The following GLIS3 variants were observed in gnomAD, a reference collection of about 807,000 sequenced individuals.
The protein encoded by GLIS3 is zinc finger protein GLIS3.
GLIS3 carries 53 observed loss-of-function variants against 78.6 expected under a neutral mutation model. That is an observed-to-expected ratio of 0.67 (90% CI 0.54 to 0.85). The LOEUF is 0.85. Ranked by LOEUF, GLIS3 falls within the 40% of genes least tolerant of loss-of-function variation. The probability of loss-of-function intolerance (pLI) is 0.00; values close to 1 mark genes in which losing one functional copy is unlikely to be tolerated. For synonymous variants in GLIS3, 684 were observed against 509.9 expected (o/e 1.34, Z -4.60); for missense variants, 1,703 against 1,231.1 (o/e 1.38, Z -5.74).
chr9:3,898,806 G>C lies in GLIS3; in HGVS notation c.2013C>G (p.Asp671Glu), dbSNP rs1323940507. Residue 671 changes from aspartate to glutamate, a missense_variant, in exon 7 of 11, where the codon GAC becomes GAG. Coordinates refer to ENST00000381971, the MANE Select transcript of GLIS3 (RefSeq NM_001042413.2). Reference protein sequence around the residue: ...KLRSSTELHPDLLTDCLTVQS... With the variant: ...KLRSSTELHPELLTDCLTVQS... ...GCACGGTGAGGCAATCTGTGAGCAG[G>C]TCTGGATGGAGCTCTGTGCTGGACC... The C allele has an allele frequency of 1.4e-5, 22 of 1,614,052 alleles. No homozygotes were observed. Among genetic ancestry groups the C allele is most frequent in the Non-Finnish European group, 1.7e-5 (20 of 1,180,032 alleles).
chr9:3,888,457 A>C (rs1822220815), intron 7 of GLIS3, among the ~76,000 whole-genome samples: 1 of 152,180 alleles, frequency 6.6e-6, no homozygotes, highest in South Asian at 2.1e-4. Context: ...CTGATTTTTA[A>C]TGCACTATTA....
intron 4 of GLIS3, among the ~76,000 whole-genome samples, chr9:4,098,290 T>A (rs184356521): frequency 5.4e-4 from 82 of 152,356 alleles, no homozygotes; most frequent in Admixed American, 1.8e-3. Context: ...TGTCATTCAC[T>A]GACCTTGGTA....
At chr9:3,896,341 A>G (rs2130582574) in intron 7 of GLIS3, among the ~76,000 whole-genome samples, 1 of 152,314 alleles carries the variant, frequency 6.6e-6, no homozygotes, top group East Asian at 1.9e-4. Context: ...GTTAGAAAGC[A>G]AAATCATACC....
exon 1 of GLIS3, chr9:4,348,331 A>C (rs1405959914): frequency 7.3e-6 from 1 of 137,564 alleles, no homozygotes; most frequent in Non-Finnish European, 1.7e-5. Flanking sequence ...CACCCTCGGG[A>C]AACAGCTTTC....
chr9:4,360,924 G>T, the GLIS3 span, among the ~76,000 whole-genome samples: 3 of 152,178 alleles, frequency 2.0e-5, no homozygotes, highest in Non-Finnish European at 4.4e-5. Flanking sequence ...AATATCTGAT[G>T]GCATTATTTC....
At chr9:4,207,748 G>A (rs376565317) in intron 2 of GLIS3, among the ~76,000 whole-genome samples, 35 of 152,238 alleles carry the variant, frequency 2.3e-4, no homozygotes, top group East Asian at 1.9e-3. Context: ...AGTAGCAGAT[G>A]GGGAACCCAG....
At chr9:4,179,829 G>A (rs7045832) in intron 2 of GLIS3, among the ~76,000 whole-genome samples, 20,322 of 151,506 alleles carry the variant, frequency 0.13, 1,520 homozygotes, top group Middle Eastern at 0.23. Context: ...AGAATCGCTG[G>A]AACCCGGGAG....
the GLIS3 span, among the ~76,000 whole-genome samples, chr9:4,478,155 A>G: frequency 6.6e-6 from 1 of 152,132 alleles, no homozygotes; most frequent in Non-Finnish European, 1.5e-5. Context: ...CACTATTGAA[A>G]CAAGTGGTTG....
At chr9:4,135,813 GT>G (rs1833365785) in intron 2 of GLIS3, among the ~76,000 whole-genome samples, 1 of 152,112 alleles carries the variant, frequency 6.6e-6, no homozygotes, top group African/African-American at 2.4e-5. Context: ...ATCGATGAAG[GT>G]AAGCACAGGT....
chr9:3,924,469 T>C (rs1825093028), intron 6 of GLIS3, among the ~76,000 whole-genome samples: 1 of 152,246 alleles, frequency 6.6e-6, no homozygotes, highest in Non-Finnish European at 1.5e-5. Context: ...TACCTTCTGA[T>C]GTCCAATCCA....
chr9:3,952,397 G>A (rs980846476), intron 4 of GLIS3, among the ~76,000 whole-genome samples: 3 of 152,120 alleles, frequency 2.0e-5, no homozygotes, highest in African/African-American at 7.2e-5. Context: ...ACTCTCTGAT[G>A]TCTGATCCCG....
At chr9:4,414,582 T>A in the GLIS3 span, among the ~76,000 whole-genome samples, 1 of 152,214 alleles carries the variant, frequency 6.6e-6, no homozygotes. Flanking sequence ...CAGGATTGCC[T>A]GGTCATTCTT....
chr9:3,849,606 G>A (rs1819293996), intron 9 of GLIS3, among the ~76,000 whole-genome samples: 1 of 152,152 alleles, frequency 6.6e-6, no homozygotes, highest in African/African-American at 2.4e-5. Context: ...TTTCCTGTTA[G>A]ACGTCTTGTC....
chr9:4,330,294 T>C (rs749345971), intron 2 of GLIS3, among the ~76,000 whole-genome samples: 1 of 152,258 alleles, frequency 6.6e-6, no homozygotes, highest in Non-Finnish European at 1.5e-5. Flanking sequence ...CTGGAAGGCC[T>C]GTTAAAACAC....
intron 2 of GLIS3, among the ~76,000 whole-genome samples, chr9:4,227,401 C>G (rs1407949035): frequency 6.6e-6 from 1 of 151,758 alleles, no homozygotes. Flanking sequence ...TAAAGCAGGA[C>G]TTATGGAAGA....
intron 2 of GLIS3, among the ~76,000 whole-genome samples, chr9:4,235,295 T>C (rs1025913563): frequency 2.2e-4 from 3 of 13,848 alleles, no homozygotes; most frequent in Admixed American, 1.1e-3. Flanking sequence ...TGAGACTCTG[T>C]CTCAAAAAAA....
Position 4,197,291 on chromosome 9 carries a change from A to C in GLIS3, c.389-71350T>G, listed in dbSNP as rs150032031. On this transcript the variant is annotated intron_variant, in intron 2 of 10. Coordinates refer to ENST00000381971, the MANE Select transcript of GLIS3 (RefSeq NM_001042413.2). ...CCCTCTCCACTCCATGACTAAGCACATCTCCAGACATTTGGAGCACCCACT... is the reference window on the plus strand; with the variant it reads ...CCCTCTCCACTCCATGACTAAGCACCTCTCCAGACATTTGGAGCACCCACT... Among the ~76,000 whole-genome samples the C allele has an allele frequency of 1.8e-3, 281 of 152,240 alleles. 3 individuals carry two copies. The Middle Eastern group carries it at 0.027, about 15-fold the overall frequency.
At chr9:4,089,920 A>C (rs1243111315) in intron 4 of GLIS3, among the ~76,000 whole-genome samples, 2 of 152,150 alleles carry the variant, frequency 1.3e-5, no homozygotes, top group Admixed American at 6.5e-5. Context: ...CATAAAGAGG[A>C]GTATTTATTT....
chr9:4,209,110 A>G (rs1820142572), intron 2 of GLIS3, among the ~76,000 whole-genome samples: 1 of 152,178 alleles, frequency 6.6e-6, no homozygotes, highest in African/African-American at 2.4e-5. Flanking sequence ...CGTAAGTCCT[A>G]AGATTTTCTT....
Sources: gnomAD v4.1 joint callset for allele counts (sites outside exome capture counted in the v4.1 genomes callset) on GRCh38, gnomAD v4.1.1 for gene constraint, MANE v1.5 for transcripts, NCBI Gene and HGNC (gene_info 2026-07-23, HGNC 2026-07-21) for gene names.